The following ANKRD44 variants were observed in gnomAD, a reference collection of about 807,000 sequenced individuals.
ANKRD44 encodes the protein serine/threonine-protein phosphatase 6 regulatory ankyrin repeat subunit B.
A neutral mutation model predicts 116.0 loss-of-function variants in ANKRD44; 35 were observed. The observed-to-expected ratio is 0.30, with a 90% CI of 0.23 to 0.40. The LOEUF is 0.40. Ranked by LOEUF, ANKRD44 falls within the 10% of genes least tolerant of loss-of-function variation. The probability of loss-of-function intolerance (pLI) is 1.00; values close to 1 mark genes in which losing one functional copy is unlikely to be tolerated. For synonymous variants in ANKRD44, 435 were observed against 461.8 expected (o/e 0.94, Z 0.74); for missense variants, 1,014 against 1,242.6 (o/e 0.82, Z 2.77).
At chr2:197,099,533 C>A in intron 10 of ANKRD44, 1 of 1,125,180 alleles carries the variant, frequency 8.9e-7, no homozygotes, top group Non-Finnish European at 1.1e-6. Context: ...TTGGGAAGGA[C>A]AGAAGAATAT....
chr2:197,153,286 AAGG>A (rs1222015085), intron 2 of ANKRD44, among the ~76,000 whole-genome samples: 2 of 150,318 alleles, frequency 1.3e-5, no homozygotes, highest in African/African-American at 2.4e-5. Flanking sequence ...GAAGAGGAAG[AAGG>A]AGGAGGAGGA....
chr2:197,196,755 C>G lies in ANKRD44; in HGVS notation c.28-9649G>C, dbSNP rs549511862. On this transcript the variant is annotated intron_variant, in intron 1 of 27. Transcript: ENST00000282272. ...TAGCACCTGGGTTCTTTCCAAACAC[C>G]AGCAAGCAATTTTTACACAATCAGG... Among the ~76,000 whole-genome samples the G allele has an allele frequency of 2.6e-5, 4 of 152,294 alleles. No homozygotes were observed. In the South Asian group the frequency reaches 6.2e-4, roughly 24 times the overall value.
At chr2:197,023,597 G>A (rs2076537909) in intron 17 of ANKRD44, among the ~76,000 whole-genome samples, 1 of 152,170 alleles carries the variant, frequency 6.6e-6, no homozygotes, top group Non-Finnish European at 1.5e-5. Context: ...AACGAGAGAT[G>A]ATCAAGTCTT....
intron 16 of ANKRD44, among the ~76,000 whole-genome samples, chr2:197,072,743 C>A (rs1442930723): frequency 6.6e-6 from 1 of 152,134 alleles, no homozygotes. Flanking sequence ...TAGAGCTCAG[C>A]ATTAATTTTT....
intron 8 of ANKRD44, among the ~76,000 whole-genome samples, chr2:197,119,355 C>T (rs573261466): frequency 1.2e-4 from 19 of 152,248 alleles, no homozygotes; most frequent in Admixed American, 1.2e-3. Flanking sequence ...TAGATGAGTC[C>T]TCTTCCTTGG....
chr2:197,158,414 T>C (rs2079875185), intron 2 of ANKRD44, among the ~76,000 whole-genome samples: 1 of 152,270 alleles, frequency 6.6e-6, no homozygotes, highest in African/African-American at 2.4e-5. Context: ...TAGTTTCAGT[T>C]ACGGCCCCAC....
At chr2:197,131,104 A>C (rs2079083806) in intron 4 of ANKRD44, among the ~76,000 whole-genome samples, 1 of 152,236 alleles carries the variant, frequency 6.6e-6, no homozygotes, top group Admixed American at 6.5e-5. Context: ...AGTATTGCCA[A>C]TAGCATCCGT....
intron 1 of ANKRD44, among the ~76,000 whole-genome samples, chr2:197,238,987 C>T (rs944292188): frequency 1.3e-5 from 2 of 152,244 alleles, no homozygotes; most frequent in Admixed American, 1.3e-4. Flanking sequence ...CTGTACCCCT[C>T]GGCTGGGAGT....
chr2:197,087,320 T>A (rs2077948546), intron 12 of ANKRD44, among the ~76,000 whole-genome samples: 1 of 152,222 alleles, frequency 6.6e-6, no homozygotes, highest in Admixed American at 6.5e-5. Context: ...ACAGTGATCT[T>A]CCATAGCTTC....
At chr2:197,130,456 C>T (rs1368829117) in intron 4 of ANKRD44, among the ~76,000 whole-genome samples, 3 of 152,106 alleles carry the variant, frequency 2.0e-5, no homozygotes, top group African/African-American at 4.8e-5. Flanking sequence ...GGCATGTAGA[C>T]GACATGTATC....
chr2:197,131,145 A>G (rs1016329623), intron 4 of ANKRD44, among the ~76,000 whole-genome samples: 6 of 152,214 alleles, frequency 3.9e-5, no homozygotes, highest in Admixed American at 3.9e-4. Context: ...TTAAAAGAGA[A>G]TAATATACAG....
At chr2:197,036,845 C>T (rs559249239) in intron 16 of ANKRD44, among the ~76,000 whole-genome samples, 2 of 152,280 alleles carry the variant, frequency 1.3e-5, no homozygotes, top group East Asian at 3.9e-4. Context: ...CCTAGTAAAC[C>T]TACTTCAGAG....
chr2:197,240,351 G>A (rs1226037920), intron 1 of ANKRD44, among the ~76,000 whole-genome samples: 1 of 147,094 alleles, frequency 6.8e-6, no homozygotes, highest in Non-Finnish European at 1.5e-5. Context: ...CTCTAGTCTG[G>A]GTGACAGAGC....
chr2:197,102,279 C>T (rs2078311471), intron 9 of ANKRD44, among the ~76,000 whole-genome samples: 1 of 152,138 alleles, frequency 6.6e-6, no homozygotes, highest in Non-Finnish European at 1.5e-5. Context: ...AGTGAATAAT[C>T]TCATATGTAT....
At chr2:196,991,091 G>A (rs1412764160) in intron 27 of ANKRD44, among the ~76,000 whole-genome samples, 2 of 152,142 alleles carry the variant, frequency 1.3e-5, no homozygotes, top group Non-Finnish European at 2.9e-5. Context: ...CATGCTAGGG[G>A]TGAGGCTAGA....
At chr2:197,113,558 A>C (rs1482246039) in intron 8 of ANKRD44, among the ~76,000 whole-genome samples, 3 of 152,240 alleles carry the variant, frequency 2.0e-5, no homozygotes, top group South Asian at 4.1e-4. Context: ...TGTCTATAAA[A>C]GAGCTTAAAG....
At chr2:197,036,601 TAA>T (rs1574323972) in intron 16 of ANKRD44, among the ~76,000 whole-genome samples, 1 of 152,154 alleles carries the variant, frequency 6.6e-6, no homozygotes, top group Non-Finnish European at 1.5e-5. Context: ...TTAGCTACAT[TAA>T]GTTTCCGTTT....
At chr2:197,063,770 A>C (rs2077370730) in intron 16 of ANKRD44, among the ~76,000 whole-genome samples, 1 of 152,240 alleles carries the variant, frequency 6.6e-6, no homozygotes, top group African/African-American at 2.4e-5. Context: ...GTAAAAAGAA[A>C]CGAACAAAGC....
chr2:197,069,000 T>C (rs1473507063), intron 16 of ANKRD44, among the ~76,000 whole-genome samples: 1 of 152,150 alleles, frequency 6.6e-6, no homozygotes, highest in African/African-American at 2.4e-5. Context: ...CATGCACACA[T>C]ATGTTTATTG....
Sources: allele counts gnomAD v4.1 joint callset (sites outside exome capture counted in the v4.1 genomes callset), GRCh38; gene constraint gnomAD v4.1.1; transcripts MANE v1.5; gene names NCBI Gene and HGNC (gene_info 2026-07-23, HGNC 2026-07-21).